The following TEAD1 variants were observed in gnomAD, a reference collection of about 807,000 sequenced individuals.
The protein encoded by TEAD1 is TEA domain transcription factor 1.
A neutral mutation model predicts 54.9 loss-of-function variants in TEAD1; 9 were observed. The ratio of observed to expected loss-of-function variants is 0.16; its 90% CI spans 0.10 to 0.29. The LOEUF (loss-of-function observed/expected upper bound fraction) is 0.29. Among genes scored for constraint, TEAD1 ranks in the 10% least tolerant of loss-of-function variants. TEAD1 has a pLI of 1.00. For missense variants in TEAD1, 387 were observed against 535.9 expected (o/e 0.72, Z 2.74); for synonymous variants, 200 against 187.8 (o/e 1.07, Z -0.53).
At position 12,888,798 on chromosome 11, in the gene TEAD1, T is replaced by G. The variant is rs1948140252; in HGVS notation, c.699+5673T>G. Among the ~76,000 whole-genome samples the G allele has an allele frequency of 2.0e-5, 3 of 152,224 alleles. No individual in the cohort carries two copies. In the South Asian group the frequency reaches 6.2e-4, roughly 32 times the overall value. ...CCCAGTGTTAGACAGCCAGCTGACA[T>G]GGGAAGTAGGATTCAGATCCAGGTC... On this transcript the variant is annotated intron_variant, in intron 9 of 12. Transcript: ENST00000527636.
intron 10 of TEAD1, 131 bp downstream of exon 10, chr11:12,902,244 A>G (rs746412164): frequency 1.5e-4 from 197 of 1,272,960 alleles, no homozygotes; most frequent in Non-Finnish European, 2.1e-4. Flanking sequence ...CACAATTGCC[A>G]AGGGAGCACG....
chr11:12,831,100 C>T (rs142610499), intron 3 of TEAD1, among the ~76,000 whole-genome samples: 24 of 152,306 alleles, frequency 1.6e-4, no homozygotes, highest in African/African-American at 5.8e-4. Flanking sequence ...ACGAAGCTCT[C>T]TCTGCCTGAA....
At chr11:12,711,223 A>G (rs1943931333) in intron 2 of TEAD1, among the ~76,000 whole-genome samples, 1 of 152,186 alleles carries the variant, frequency 6.6e-6, no homozygotes, top group African/African-American at 2.4e-5. Flanking sequence ...AGAGGTGATC[A>G]GGCCGTGGAA....
intron 3 of TEAD1, among the ~76,000 whole-genome samples, chr11:12,820,922 G>C (rs994835784): frequency 1.3e-5 from 2 of 152,224 alleles, no homozygotes; most frequent in African/African-American, 4.8e-5. Flanking sequence ...CCAGTCTGCT[G>C]TAACTTCCGG....
intron 2 of TEAD1, among the ~76,000 whole-genome samples, chr11:12,698,442 G>A (rs1381320702): frequency 6.6e-6 from 1 of 152,096 alleles, no homozygotes; most frequent in Non-Finnish European, 1.5e-5. Context: ...AGTATTCAGA[G>A]CACAGGCAGA....
intron 3 of TEAD1, among the ~76,000 whole-genome samples, chr11:12,802,499 G>T (rs1467438012): frequency 1.3e-5 from 2 of 151,996 alleles, no homozygotes; most frequent in Non-Finnish European, 2.9e-5. Flanking sequence ...CCATCTCACC[G>T]CCGCCCGACC....
intron 3 of TEAD1, chr11:12,851,087 A>G (rs1947264359): frequency 1.0e-6 from 1 of 983,846 alleles, no homozygotes; most frequent in Non-Finnish European, 1.2e-6. Context: ...AAAAGAGGTG[A>G]GCTCCTTCAT....
At chr11:12,924,811 CTTCA>C (rs1268969703) in intron 10 of TEAD1, 97 bp from the exon 11 acceptor site, 6 of 1,438,850 alleles carry the variant, frequency 4.2e-6, no homozygotes, top group Middle Eastern at 1.7e-4. Flanking sequence ...AGCCAGCCCT[CTTCA>C]TTCAGCCAAG....
At chr11:12,680,845 G>C (rs1163978197) in intron 2 of TEAD1, among the ~76,000 whole-genome samples, 3 of 152,218 alleles carry the variant, frequency 2.0e-5, no homozygotes, top group Non-Finnish European at 4.4e-5. Context: ...CTATTGTTAT[G>C]GCAGCAACAG....
intron 5 of TEAD1, among the ~76,000 whole-genome samples, chr11:12,876,006 G>C (rs1258380942): frequency 6.6e-6 from 1 of 152,204 alleles, no homozygotes; most frequent in Non-Finnish European, 1.5e-5. Flanking sequence ...ATGTCAGGCA[G>C]GGACAGGTTT....
At position 12,725,075 on chromosome 11, in the gene TEAD1, T is replaced by C. The variant is rs375004868; in HGVS notation, c.-54-39104T>C. Among the ~76,000 whole-genome samples, 10 of 152,332 alleles carry C rather than the reference T, an allele frequency of 6.6e-5. No homozygotes were observed. The East Asian group carries it at 1.2e-3, about 18-fold the overall frequency. On this transcript the variant is annotated intron_variant, in intron 2 of 12. Coordinates refer to ENST00000527636, the MANE Select transcript of TEAD1 (RefSeq NM_021961.6). ...TGGCTGTGTTGTCACTCTGTTGATA[T>C]GCCTCAGAAGAAATAGTTTACACAG...
chr11:12,706,834 A>G (rs1305917587), intron 2 of TEAD1, among the ~76,000 whole-genome samples: 4 of 152,140 alleles, frequency 2.6e-5, no homozygotes, highest in African/African-American at 9.7e-5. Context: ...TGATAGTCAT[A>G]TCCTCTCACC....
At chr11:12,759,003 A>G (rs4757033) in intron 2 of TEAD1, among the ~76,000 whole-genome samples, 151,931 of 152,306 alleles carry the variant, frequency 1, 75,782 homozygotes, top group Middle Eastern at 1. Context: ...TTCTCCTGTG[A>G]CCTCATAGAA....
chr11:12,705,026 G>A (rs575120928), intron 2 of TEAD1, among the ~76,000 whole-genome samples: 1 of 152,282 alleles, frequency 6.6e-6, no homozygotes, highest in East Asian at 1.9e-4. Flanking sequence ...ATGAGTGAGT[G>A]GATGATTGAA....
chr11:12,877,812 T>C (rs11828814), intron 5 of TEAD1, among the ~76,000 whole-genome samples: 11,110 of 149,936 alleles, frequency 0.074, 1,349 homozygotes, highest in African/African-American at 0.25. Flanking sequence ...TCTTTTTTTT[T>C]CTGATGGAGT....
At chr11:12,882,861 G>A (rs770234831) in intron 8 of TEAD1, 140 bp from the exon 9 acceptor site, 7 of 1,274,338 alleles carry the variant, frequency 5.5e-6, no homozygotes, top group Non-Finnish European at 7.8e-6. Flanking sequence ...TCTGTCGTCT[G>A]AGTTATCCTG....
intron 3 of TEAD1, among the ~76,000 whole-genome samples, chr11:12,789,401 G>A (rs1322324331): frequency 6.6e-6 from 1 of 152,144 alleles, no homozygotes; most frequent in East Asian, 1.9e-4. Flanking sequence ...TATTTGAAAA[G>A]CAAAAATGAA....
chr11:12,883,197 C>T (rs1426643533), intron 9 of TEAD1, 72 bp downstream of exon 9: 1 of 1,608,454 alleles, frequency 6.2e-7, no homozygotes. Context: ...CCTTGCTTCT[C>T]TTTCTTTCCT....
intron 4 of TEAD1, among the ~76,000 whole-genome samples, chr11:12,863,665 C>G (rs1415121597): frequency 2.0e-5 from 3 of 152,054 alleles, no homozygotes; most frequent in Admixed American, 6.5e-5. Flanking sequence ...ATTTCGGAAA[C>G]CAGTGGATCT....
Sources: allele counts gnomAD v4.1 joint callset (sites outside exome capture counted in the v4.1 genomes callset), GRCh38; gene constraint gnomAD v4.1.1; transcripts MANE v1.5; gene names NCBI Gene and HGNC (gene_info 2026-07-23, HGNC 2026-07-21).